Variants in USH2A observed in about 807,000 individuals in gnomAD.
The protein encoded by USH2A is Usher syndrome 2A (autosomal recessive, mild).
A neutral mutation model predicts 538.9 loss-of-function variants in USH2A; 443 were observed. That is an observed-to-expected ratio of 0.82 (90% CI 0.76 to 0.89). USH2A has a LOEUF of 0.89. USH2A is among the 40% of genes least tolerant of loss of function. USH2A has a pLI of 0.00. For missense variants in USH2A, 6,633 were observed against 6,324.8 expected (o/e 1.05, Z -1.65); for synonymous variants, 2,413 against 2,273.5 (o/e 1.06, Z -1.75).
In USH2A at chr1:215,889,066, A is replaced by G. The variant is rs759254212; in HGVS notation, c.7595-12T>C. On this transcript the variant is annotated splice_polypyrimidine_tract_variant and intron_variant, in intron 40 of 71. Coordinates refer to ENST00000307340, the MANE Select transcript of USH2A (RefSeq NM_206933.4). ...TACAGGTCCAGGTTCTGTAAAGTAA[A>G]ATAAATCCAGAAAGTCAGACCTCTT... 1.4e-5 allele frequency: 22 copies of G among 1,612,770 alleles called. No individual in the cohort carries two copies. The South Asian group carries it at 2.3e-4, about 17-fold the overall frequency.
intron 21 of USH2A, among the ~76,000 whole-genome samples, chr1:216,169,854 T>C (rs1003836536): frequency 1.3e-5 from 2 of 152,166 alleles, no homozygotes; most frequent in Admixed American, 6.6e-5. Flanking sequence ...TATTTGTTTT[T>C]CAATAACTAG....
At position 216,245,470 on chromosome 1, in the gene USH2A, TGAGAGAGAGA is replaced by T. The variant is rs10535828; in HGVS notation, c.2809+1105_2809+1114del. 7.6e-3 allele frequency among the ~76,000 whole-genome samples: 872 copies of T among 114,224 alleles called. 10 individuals carry two copies. Among genetic ancestry groups the T allele is most frequent in the African/African-American group, 0.019 (528 of 27,532 alleles). The allele number at this position is 114,224 out of a possible 152,430, so 74.9% of individuals were successfully genotyped here. On this transcript the variant is annotated intron_variant, in intron 13 of 71. Coordinates refer to ENST00000307340, the MANE Select transcript of USH2A (RefSeq NM_206933.4). ...GAAAGAGAGAGGTAAAGTCCCCTTC[TGAGAGAGAGA>T]GAGAGAGAGAGAGAGAGAGAGAGAG...
chr1:216,076,546 A>G (rs77040236), intron 27 of USH2A, among the ~76,000 whole-genome samples: 3,794 of 152,076 alleles, frequency 0.025, 164 homozygotes, highest in African/African-American at 0.085. Flanking sequence ...AGAAGCAAAC[A>G]GGATTAAGTA....
chr1:216,101,909 T>C (rs2032590033), intron 21 of USH2A, among the ~76,000 whole-genome samples: 1 of 152,188 alleles, frequency 6.6e-6, no homozygotes, highest in Non-Finnish European at 1.5e-5. Context: ...AAAATCCAAG[T>C]TCTACATGGA....
intron 3 of USH2A, among the ~76,000 whole-genome samples, chr1:216,389,559 T>C (rs2039065478): frequency 6.6e-6 from 1 of 152,162 alleles, no homozygotes; most frequent in Non-Finnish European, 1.5e-5. Flanking sequence ...AGAAACTAAT[T>C]TTTAACATGG....
intron 32 of USH2A, among the ~76,000 whole-genome samples, chr1:216,020,671 T>C (rs1668825310): frequency 6.6e-6 from 1 of 152,134 alleles, no homozygotes; most frequent in African/African-American, 2.4e-5. Context: ...ATTAGAAGCT[T>C]GGAACTTTCA....
intron 9 of USH2A, among the ~76,000 whole-genome samples, chr1:216,304,153 G>C (rs1199907405): frequency 2.0e-5 from 3 of 151,942 alleles, no homozygotes; most frequent in Admixed American, 6.6e-5. Context: ...ACAAGATACT[G>C]CCATATATAT....
At chr1:215,720,410 A>G (rs1659621385) in intron 61 of USH2A, among the ~76,000 whole-genome samples, 2 of 152,324 alleles carry the variant, frequency 1.3e-5, no homozygotes, top group African/African-American at 4.8e-5. Flanking sequence ...TTTTGATGCA[A>G]TGACTAGAGT....
At chr1:216,278,416 T>C (rs924810198) in intron 11 of USH2A, among the ~76,000 whole-genome samples, 10 of 152,306 alleles carry the variant, frequency 6.6e-5, no homozygotes, top group Admixed American at 6.5e-4. Context: ...TCTTTTCCCA[T>C]TTATACCCCA....
chr1:216,183,572 G>A (rs1308954009), intron 20 of USH2A, among the ~76,000 whole-genome samples: 4 of 152,024 alleles, frequency 2.6e-5, no homozygotes, highest in South Asian at 2.1e-4. Context: ...GCTGTTGAAT[G>A]GCTGAGTGAT....
At chr1:216,186,266 C>G (rs2034602018) in intron 20 of USH2A, among the ~76,000 whole-genome samples, 1 of 151,636 alleles carries the variant, frequency 6.6e-6, no homozygotes, top group African/African-American at 2.4e-5. Flanking sequence ...TATATCTCCT[C>G]CTGCCGCTGC....
rs530144068 is a variant in USH2A, at chr1:216,019,647, G to A, written c.6326-19085C>T. Reference sequence around the variant, plus strand: ...AAAACAACTTGGCAATCAGAATTTTGTGATAAAATTGTCTGCTTCTTGGAT... The same window carrying A: ...AAAACAACTTGGCAATCAGAATTTTATGATAAAATTGTCTGCTTCTTGGAT... On this transcript the variant is annotated intron_variant, in intron 32 of 71. Coordinates refer to ENST00000307340, the MANE Select transcript of USH2A (RefSeq NM_206933.4). Among the ~76,000 whole-genome samples, 4 of 152,254 alleles carry A rather than the reference G, an allele frequency of 2.6e-5. No homozygotes were observed. In the South Asian group the frequency reaches 8.3e-4, roughly 32 times the overall value.
At chr1:215,659,293 A>G (rs1657367113) in intron 64 of USH2A, among the ~76,000 whole-genome samples, 1 of 152,234 alleles carries the variant, frequency 6.6e-6, no homozygotes. Flanking sequence ...TCTATGGAAA[A>G]GAAAAGCATG....
rs1464731349 is a variant in USH2A, at chr1:216,364,934, T to C, written c.784+19A>G. The C allele has an allele frequency of 1.2e-6, 2 of 1,613,146 alleles. No individual in the cohort carries two copies. The highest frequency in any genetic ancestry group is 1.7e-6 in the Non-Finnish European group (2 of 1,179,434). ...TGTAATTGGATGAAATAAATAACAT[T>C]CTGAAGTCAGAAACTTACCATTTAA... On this transcript the variant is annotated intron_variant, in intron 4 of 71. Transcript: ENST00000307340.
At chr1:216,408,509 T>G (rs1375713863) in intron 3 of USH2A, among the ~76,000 whole-genome samples, 1 of 152,158 alleles carries the variant, frequency 6.6e-6, no homozygotes, top group African/African-American at 2.4e-5. Flanking sequence ...CAGTAAGAGA[T>G]TAACAATAAC....
At chr1:216,422,957 A>C (rs1419560787) in intron 1 of USH2A, among the ~76,000 whole-genome samples, 2 of 152,098 alleles carry the variant, frequency 1.3e-5, no homozygotes, top group African/African-American at 4.8e-5. Flanking sequence ...TGCACTGTAC[A>C]TTGTAACCCA....
At chr1:216,019,129 TAGA>T (rs891873557) in intron 32 of USH2A, among the ~76,000 whole-genome samples, 1 of 152,234 alleles carries the variant, frequency 6.6e-6, no homozygotes, top group African/African-American at 2.4e-5. Flanking sequence ...TTTATCTGGC[TAGA>T]AGAATATACA....
rs144241917 is a variant in USH2A, at chr1:216,363,044, C to T, written c.784+1909G>A. On this transcript the variant is annotated intron_variant, in intron 4 of 71. Transcript: ENST00000307340. ...TATGTTATCTTCTTAAACTACATGG[C>T]CAATTTTTAGTGTGCGAAAATATAA... Among the ~76,000 whole-genome samples the T allele has an allele frequency of 9.3e-3, 1,411 of 151,438 alleles. 6 individuals carry two copies. The highest frequency in any genetic ancestry group is 0.014 in the Non-Finnish European group (950 of 67,870).
chr1:216,420,649 G>C (rs958506831), intron 2 of USH2A, among the ~76,000 whole-genome samples: 1 of 152,074 alleles, frequency 6.6e-6, no homozygotes, highest in Admixed American at 6.6e-5. Flanking sequence ...AGCTCAGAAG[G>C]ATATTTTATC....
Sources: gnomAD v4.1 joint callset for allele counts (sites outside exome capture counted in the v4.1 genomes callset) on GRCh38, gnomAD v4.1.1 for gene constraint, MANE v1.5 for transcripts, NCBI Gene and HGNC (gene_info 2026-07-23, HGNC 2026-07-21) for gene names.